XPNPEP3: variants seen among roughly 807,000 people sequenced by gnomAD.
XPNPEP3 encodes xaa-Pro aminopeptidase 3.
Under a neutral mutation model 60.0 loss-of-function variants are expected in XPNPEP3, and 41 were observed. The observed-to-expected ratio is 0.68, with a 90% confidence interval of 0.53 to 0.89. The LOEUF is 0.89. Among genes scored for constraint, XPNPEP3 ranks in the 40% least tolerant of loss-of-function variants. XPNPEP3 has a pLI of 0.00. For synonymous variants in XPNPEP3, 212 were observed against 223.2 expected, an observed-to-expected ratio of 0.95 and a Z score of 0.45; for missense variants, 598 against 638.9, an observed-to-expected ratio of 0.94 and a Z score of 0.69.
chr22:40,871,717 A>C (rs1388809144), intron 2 of XPNPEP3, among the ~76,000 whole-genome samples: 3 of 152,158 alleles, frequency 2.0e-5, no homozygotes, highest in African/African-American at 7.2e-5. Flanking sequence ...ATATTGCTCT[A>C]TTATTTCCTT....
At chr22:40,923,510 A>G (rs1286422622) in intron 8 of XPNPEP3, among the ~76,000 whole-genome samples, 1 of 152,104 alleles carries the variant, frequency 6.6e-6, no homozygotes, top group Non-Finnish European at 1.5e-5. Context: ...AAATGAAGCT[A>G]TAAATTGGCT....
chr22:40,896,583 G>A (rs983842273), intron 4 of XPNPEP3, among the ~76,000 whole-genome samples: 3 of 151,276 alleles, frequency 2.0e-5, no homozygotes, highest in Non-Finnish European at 2.9e-5. Flanking sequence ...GCAGTGAGCC[G>A]AGATCATGCT....
At chr22:40,903,879 CACA>C (rs2058144577) in intron 4 of XPNPEP3, among the ~76,000 whole-genome samples, 1 of 52,684 alleles carries the variant, frequency 1.9e-5, no homozygotes, top group East Asian at 2.2e-3. Context: ...CTCTGTCACA[CACA>C]CACACACACA....
intron 1 of XPNPEP3, 125 bp from the exon 2 acceptor site, chr22:40,868,874 G>A: frequency 1.3e-6 from 1 of 781,468 alleles, no homozygotes; most frequent in Middle Eastern, 3.0e-4. Flanking sequence ...TATTGAAGGA[G>A]AGAAGGAAGG....
rs71200626 is a variant in XPNPEP3, at chr22:40,898,225, A to ATTTTTTTT, written c.793-9330_793-9323dup. 1.0e-3 allele frequency among the ~76,000 whole-genome samples: 30 copies of ATTTTTTTT among 28,784 alleles called. 11 individuals carry two copies. The highest frequency in any genetic ancestry group is 5.4e-3 in the East Asian group (5 of 918). The allele number at this position is 28,784 out of a possible 152,430, so 18.9% of individuals were successfully genotyped here. On this transcript the variant is annotated intron_variant, in intron 4 of 9. Transcript: ENST00000357137. ...TGTTTTATGTTTAGGTCTTTGACCC[A>ATTTTTTTT]TTTTTTTTTTTTTTTTTTTTTTTTT...
At chr22:40,857,318 T>G in intron 1 of XPNPEP3, 73 bp downstream of exon 1, 12 of 1,533,544 alleles carry the variant, frequency 7.8e-6, no homozygotes, top group Non-Finnish European at 9.8e-6. Flanking sequence ...AGGCGATCCC[T>G]GGTTCGGCTG....
chr22:40,892,461 A>G (rs1488725505), intron 4 of XPNPEP3, among the ~76,000 whole-genome samples: 1 of 152,146 alleles, frequency 6.6e-6, no homozygotes, highest in African/African-American at 2.4e-5. Flanking sequence ...CTGGGATTAC[A>G]GGTGTGAGCC....
At chr22:40,899,089 A>C (rs1421628640) in intron 4 of XPNPEP3, among the ~76,000 whole-genome samples, 1 of 152,156 alleles carries the variant, frequency 6.6e-6, no homozygotes, top group Non-Finnish European at 1.5e-5. Context: ...TCCTCAGGGT[A>C]TTGCATGTAA....
chr22:40,861,625 C>T (rs775734960), intron 1 of XPNPEP3: 1 of 1,613,624 alleles, frequency 6.2e-7, no homozygotes, highest in South Asian at 1.1e-5. Flanking sequence ...TAGGAGCTTC[C>T]TGGACGATTT....
chr22:40,859,017 A>C (rs2057924679), intron 1 of XPNPEP3, among the ~76,000 whole-genome samples: 2 of 152,086 alleles, frequency 1.3e-5, no homozygotes, highest in Admixed American at 6.6e-5. Context: ...CAGCTTCTCA[A>C]AGTGTTGCGA....
At chr22:40,924,321 G>A (rs1398586877) in intron 8 of XPNPEP3, 41 bp from the exon 9 acceptor site, 1 of 1,613,488 alleles carries the variant, frequency 6.2e-7, no homozygotes, top group Non-Finnish European at 8.5e-7. Context: ...CCCTGTAAGA[G>A]GTCATTGCTC....
intron 2 of XPNPEP3, among the ~76,000 whole-genome samples, chr22:40,877,028 C>T (rs1381182971): frequency 6.6e-6 from 1 of 152,188 alleles, no homozygotes; most frequent in Non-Finnish European, 1.5e-5. Flanking sequence ...AGTCAGTCTC[C>T]ACCTTCATAG....
intron 4 of XPNPEP3, among the ~76,000 whole-genome samples, chr22:40,900,240 A>C (rs1183587947): frequency 1.3e-5 from 2 of 151,968 alleles, no homozygotes; most frequent in Non-Finnish European, 2.9e-5. Context: ...GATAAATTAG[A>C]ATTTATCAAT....
chr22:40,861,449 G>A, intron 1 of XPNPEP3: 1 of 1,614,050 alleles, frequency 6.2e-7, no homozygotes, highest in South Asian at 1.1e-5. Context: ...ATATGTAGTT[G>A]TCCATCCCAC....
chr22:40,862,869 C>A, intron 1 of XPNPEP3: 1 of 395,488 alleles, frequency 2.5e-6, no homozygotes, highest in Non-Finnish European at 3.4e-6. Context: ...TTTCCTGGTG[C>A]TTGCATTATA....
chr22:40,861,949 G>T (rs1360746280), intron 1 of XPNPEP3: 1 of 1,611,032 alleles, frequency 6.2e-7, no homozygotes, highest in Non-Finnish European at 8.5e-7. Context: ...ATGTCCTCAG[G>T]TGAAGCATAT....
intron 5 of XPNPEP3, among the ~76,000 whole-genome samples, chr22:40,908,396 G>A (rs1487812958): frequency 6.6e-6 from 1 of 152,122 alleles, no homozygotes; most frequent in Admixed American, 6.6e-5. Flanking sequence ...TAGCACACCT[G>A]TAGTCCAGTT....
chr22:40,924,449 C>G lies in XPNPEP3; in HGVS notation c.1324C>G (p.Leu442Val). Residue 442 changes from leucine (L) to valine (V), a missense_variant, in exon 9 of 10, where the codon CTG becomes GTG. Coordinates refer to ENST00000357137, the MANE Select transcript of XPNPEP3 (RefSeq NM_022098.4). Reference protein sequence around the residue: ...DTPDMPRSLPLQPGMVITIEP... With the variant: ...DTPDMPRSLPVQPGMVITIEP... ...TCCAGACATGCCCCGTTCCCTCCCT[C>G]TGCAGCCTGGGATGGTAATCACAAT... The G allele has an allele frequency of 6.2e-7, 1 of 1,614,198 alleles. No individual in the cohort carries two copies. The highest frequency in any genetic ancestry group is 8.5e-7 in the Non-Finnish European group (1 of 1,180,036).
chr22:40,920,941 C>T (rs1407952122), intron 7 of XPNPEP3, among the ~76,000 whole-genome samples: 1 of 152,160 alleles, frequency 6.6e-6, no homozygotes, highest in South Asian at 2.1e-4. Context: ...TACAGACATG[C>T]ACCACCATGC....
Sources: allele counts gnomAD v4.1 joint callset (sites outside exome capture counted in the v4.1 genomes callset), GRCh38; gene constraint gnomAD v4.1.1; transcripts MANE v1.5; gene names NCBI Gene and HGNC (gene_info 2026-07-23, HGNC 2026-07-21).